PALM2AKAP2: variants seen among roughly 807,000 people sequenced by gnomAD.
PALM2AKAP2 encodes the protein PALM2 and AKAP2 fusion.
Under a neutral mutation model 71.5 loss-of-function variants are expected in PALM2AKAP2, and 37 were observed. The observed-to-expected ratio is 0.52, with a 90% CI of 0.40 to 0.68. The LOEUF (loss-of-function observed/expected upper bound fraction) is 0.68. Ranked by LOEUF, PALM2AKAP2 falls within the 30% of genes least tolerant of loss-of-function variation. The pLI, the probability that PALM2AKAP2 is intolerant of heterozygous loss-of-function variation, is 0.00. For missense variants in PALM2AKAP2, 1,224 were observed against 1,191.8 expected, an observed-to-expected ratio of 1.03 and a Z score of -0.40; for synonymous variants, 468 against 478.8, an observed-to-expected ratio of 0.98 and a Z score of 0.29.
At chr9:109,724,306 G>A (rs962929965) in intron 1 of PALM2AKAP2, among the ~76,000 whole-genome samples, 2 of 152,118 alleles carry the variant, frequency 1.3e-5, no homozygotes, top group Non-Finnish European at 2.9e-5. Context: ...AAGATGTCAC[G>A]CTTCCCTAAA....
At chr9:109,995,466 C>T (rs910285316) in intron 6 of PALM2AKAP2, among the ~76,000 whole-genome samples, 2 of 152,130 alleles carry the variant, frequency 1.3e-5, no homozygotes, top group Admixed American at 1.3e-4. Context: ...AAGACATACC[C>T]AAGACTGGGT....
intron 1 of PALM2AKAP2, among the ~76,000 whole-genome samples, chr9:110,077,038 T>G (rs1834339070): frequency 6.6e-6 from 1 of 152,154 alleles, no homozygotes; most frequent in South Asian, 2.1e-4. Flanking sequence ...TTCAGTGAAG[T>G]GGATAGATTT....
chr9:109,848,778 CAA>C (rs56135332), intron 1 of PALM2AKAP2, among the ~76,000 whole-genome samples: 5,140 of 111,962 alleles, frequency 0.046, 250 homozygotes, highest in African/African-American at 0.15. Context: ...CCCATCTCTA[CAA>C]AAAAAAAAAA....
intron 2 of PALM2AKAP2, among the ~76,000 whole-genome samples, chr9:110,139,016 C>T (rs1835965161): frequency 6.6e-6 from 1 of 152,180 alleles, no homozygotes; most frequent in African/African-American, 2.4e-5. Context: ...CAATGATAGT[C>T]ATGGCATGGC....
At chr9:109,889,655 G>A (rs1234678456) in intron 3 of PALM2AKAP2, among the ~76,000 whole-genome samples, 1 of 152,188 alleles carries the variant, frequency 6.6e-6, no homozygotes, top group Non-Finnish European at 1.5e-5. Flanking sequence ...TGAAATTGCA[G>A]TGCAGCATTT....
intron 1 of PALM2AKAP2, among the ~76,000 whole-genome samples, chr9:110,079,208 C>T (rs1201779655): frequency 6.6e-6 from 1 of 152,094 alleles, no homozygotes; most frequent in Non-Finnish European, 1.5e-5. Context: ...CATGAGGACA[C>T]ACAGCTTATT....
chr9:109,971,283 CTTTTTTTTTTTTTTTT>C (rs11392589), intron 6 of PALM2AKAP2, among the ~76,000 whole-genome samples: 2 of 45,640 alleles, frequency 4.4e-5, no homozygotes, highest in East Asian at 5.3e-4. Context: ...CTCTTAGTCC[CTTTTTTTTTTTTTTTT>C]TTTTTTTTTT....
intron 1 of PALM2AKAP2, among the ~76,000 whole-genome samples, chr9:109,663,120 T>A (rs556105102): frequency 5.7e-4 from 87 of 152,328 alleles, no homozygotes; most frequent in Admixed American, 1.7e-3. Context: ...ACCAATTTTG[T>A]TGATCTTTTC....
chr9:109,700,726 A>T (rs1392539152), intron 1 of PALM2AKAP2, among the ~76,000 whole-genome samples: 1 of 152,220 alleles, frequency 6.6e-6, no homozygotes, highest in East Asian at 1.9e-4. Context: ...TATTTATTTG[A>T]AAATTTTTGC....
At chr9:109,841,515 TAAAA>T (rs369447070) in intron 1 of PALM2AKAP2, among the ~76,000 whole-genome samples, 4 of 18,698 alleles carry the variant, frequency 2.1e-4, no homozygotes, top group Admixed American at 1.8e-3. Context: ...TAAAGTATAA[TAAAA>T]AAAAAAAAGA....
intron 1 of PALM2AKAP2, among the ~76,000 whole-genome samples, chr9:109,663,806 T>C (rs1387416618): frequency 2.0e-5 from 3 of 152,190 alleles, no homozygotes; most frequent in Non-Finnish European, 4.4e-5. Flanking sequence ...CTCCCATTAT[T>C]ATTGTGTGGG....
chr9:109,793,762 C>G (rs960773824), intron 1 of PALM2AKAP2, among the ~76,000 whole-genome samples: 29 of 152,222 alleles, frequency 1.9e-4, no homozygotes, highest in African/African-American at 6.0e-4. Flanking sequence ...TATATTTTTA[C>G]AAATTTGAAA....
chr9:109,877,777 G>A (rs1218327059), intron 2 of PALM2AKAP2, among the ~76,000 whole-genome samples: 1 of 152,184 alleles, frequency 6.6e-6, no homozygotes, highest in Non-Finnish European at 1.5e-5. Flanking sequence ...GTAAATGGCA[G>A]ACTGGTTCCA....
At chr9:109,812,093 G>T (rs1277610944) in intron 1 of PALM2AKAP2, among the ~76,000 whole-genome samples, 1 of 152,222 alleles carries the variant, frequency 6.6e-6, no homozygotes, top group Non-Finnish European at 1.5e-5. Flanking sequence ...TGACCCATGA[G>T]GTTTCTGGTC....
At chr9:109,752,425 G>A (rs1468277846) in intron 1 of PALM2AKAP2, among the ~76,000 whole-genome samples, 1 of 152,154 alleles carries the variant, frequency 6.6e-6, no homozygotes, top group Non-Finnish European at 1.5e-5. Context: ...GAGCTCCCAT[G>A]TGAGGCCAAT....
At chr9:110,164,265 A>C (rs1587881201) in intron 3 of PALM2AKAP2, among the ~76,000 whole-genome samples, 1 of 152,226 alleles carries the variant, frequency 6.6e-6, no homozygotes, top group African/African-American at 2.4e-5. Flanking sequence ...TCTTCAATTT[A>C]AAAGCAGGTT....
intron 1 of PALM2AKAP2, among the ~76,000 whole-genome samples, chr9:110,126,840 T>A (rs1835617898): frequency 6.6e-6 from 1 of 152,218 alleles, no homozygotes; most frequent in South Asian, 2.1e-4. Context: ...CCTTAACATT[T>A]TCCAGATGTG....
chr9:109,943,439 C>G, intron 6 of PALM2AKAP2: 1 of 1,592,836 alleles, frequency 6.3e-7, no homozygotes, highest in Non-Finnish European at 8.5e-7. Flanking sequence ...CTTCTTTCTT[C>G]TCCTTTCTTC....
intron 1 of PALM2AKAP2, among the ~76,000 whole-genome samples, chr9:109,842,479 T>C (rs1828724161): frequency 6.6e-6 from 1 of 152,202 alleles, no homozygotes; most frequent in African/African-American, 2.4e-5. Flanking sequence ...GCAGAATACA[T>C]TATCCAGCTT....
Sources: allele counts gnomAD v4.1 joint callset (sites outside exome capture counted in the v4.1 genomes callset), GRCh38; gene constraint gnomAD v4.1.1; transcripts MANE v1.5; gene names NCBI Gene and HGNC (gene_info 2026-07-23, HGNC 2026-07-21).